Variants in SYN3 observed in about 807,000 individuals in gnomAD.
SYN3 encodes the protein synapsin-3.
In SYN3, 35 loss-of-function variants were observed where a neutral mutation model predicts 65.8. That is an observed-to-expected ratio of 0.53 (90% CI 0.41 to 0.70). SYN3 has a LOEUF of 0.70. Among genes scored for constraint, SYN3 ranks in the 30% least tolerant of loss-of-function variants. SYN3 has a pLI of 0.00. For synonymous variants in SYN3, 270 were observed against 292.9 expected (o/e 0.92, Z 0.80); for missense variants, 680 against 749.0 (o/e 0.91, Z 1.08).
At chr22:32,695,620 T>C (rs981279212) in intron 6 of SYN3, among the ~76,000 whole-genome samples, 5 of 152,366 alleles carry the variant, frequency 3.3e-5, no homozygotes, top group Admixed American at 3.3e-4. Context: ...TTAATGTTTA[T>C]GCATCTCTTC....
chr22:32,784,166 T>C (rs2046136855), intron 6 of SYN3, among the ~76,000 whole-genome samples: 1 of 152,232 alleles, frequency 6.6e-6, no homozygotes, highest in Non-Finnish European at 1.5e-5. Flanking sequence ...CGTGGCTCCC[T>C]TGATCCCTGA....
intron 3 of SYN3, among the ~76,000 whole-genome samples, chr22:32,963,250 T>C (rs1040070379): frequency 6.8e-6 from 1 of 147,458 alleles, no homozygotes; most frequent in African/African-American, 2.5e-5. Flanking sequence ...TAATTTTTTT[T>C]TTTTTTTTTT....
intron 6 of SYN3, among the ~76,000 whole-genome samples, chr22:32,611,290 T>TG (rs2059440700): frequency 1.8e-5 from 2 of 109,240 alleles, no homozygotes; most frequent in Non-Finnish European, 3.8e-5. Flanking sequence ...TTTTGTTTTT[T>TG]TTTTTTTTTT....
At position 32,730,912 on chromosome 22, in the gene SYN3, T is replaced by C. The variant is rs114064809; in HGVS notation, c.711+134003A>G. Among the ~76,000 whole-genome samples, 1,138 of 152,278 alleles carry C rather than the reference T, an allele frequency of 7.5e-3. 14 individuals carry two copies. Among genetic ancestry groups the C allele is most frequent in the African/African-American group, 0.027 (1,106 of 41,554 alleles). ...CACATCTGCCACCTCACCTGCAACA[T>C]TCTGTCACCCTGTATGTGTCACCAC... On this transcript the variant is annotated intron_variant, in intron 6 of 13. Coordinates refer to ENST00000358763, the MANE Select transcript of SYN3 (RefSeq NM_003490.4).
intron 3 of SYN3, chr22:32,947,577 G>C (rs1569348317): frequency 6.6e-6 from 1 of 152,252 alleles, no homozygotes; most frequent in Non-Finnish European, 1.5e-5. Context: ...CAAAAGCACA[G>C]GTGAGAATAG....
At chr22:32,971,340 T>C (rs1259137934) in intron 3 of SYN3, among the ~76,000 whole-genome samples, 1 of 152,130 alleles carries the variant, frequency 6.6e-6, no homozygotes, top group East Asian at 1.9e-4. Context: ...GAAAAAGGCC[T>C]CCATGGAGAC....
At chr22:33,054,695 G>A (rs2054227493) in intron 1 of SYN3, among the ~76,000 whole-genome samples, 1 of 152,080 alleles carries the variant, frequency 6.6e-6, no homozygotes, top group Admixed American at 6.5e-5. Context: ...TTTAAACCAC[G>A]TTTTCACATA....
At chr22:32,835,895 G>C (rs1024771463) in intron 6 of SYN3, among the ~76,000 whole-genome samples, 5 of 152,194 alleles carry the variant, frequency 3.3e-5, no homozygotes, top group Non-Finnish European at 7.3e-5. Context: ...GAGTTATGGA[G>C]AGTTAACTCC....
chr22:32,858,186 G>A (rs2048429234), intron 6 of SYN3: 2 of 1,607,236 alleles, frequency 1.2e-6, no homozygotes, highest in Non-Finnish European at 8.5e-7. Flanking sequence ...CTGACTTGCA[G>A]CCCTAGAAAC....
At chr22:32,673,836 G>C (rs2060404727) in intron 6 of SYN3, among the ~76,000 whole-genome samples, 2 of 152,318 alleles carry the variant, frequency 1.3e-5, no homozygotes, top group South Asian at 4.1e-4. Context: ...CCAGAGAAAT[G>C]AGCGTGGCTC....
intron 2 of SYN3, among the ~76,000 whole-genome samples, chr22:32,991,776 CCA>C (rs948229943): frequency 1.6e-4 from 25 of 152,154 alleles, no homozygotes; most frequent in African/African-American, 5.8e-4. Context: ...TTCAGGAAAC[CCA>C]CACTCCTGTC....
Position 33,006,595 on chromosome 22 carries a change from G to A in SYN3, c.68C>T (p.Thr23Met), listed in dbSNP as rs112551420. The change falls in exon 2 of 14, where the codon ACG becomes ATG. Residue 23 changes from threonine (T) to methionine (M), a missense_variant. By Grantham distance (81) the Thr-to-Met change is moderately conservative. Coordinates refer to ENST00000358763, the MANE Select transcript of SYN3 (RefSeq NM_003490.4). ...FMANLPNGYM[T>M]DLQRPDSSTS... ...GGAGCTATCTGGGCGTTGCAGGTCC[G>A]TCATATAGCCATTAGGCAGGTTGGC... 1.1e-3 allele frequency: 1,826 copies of A among 1,612,624 alleles called. 23 individuals carry two copies. The African/African-American group carries it at 0.022, about 20-fold the overall frequency.
chr22:32,739,934 T>C (rs1256818251), intron 6 of SYN3, among the ~76,000 whole-genome samples: 1 of 152,174 alleles, frequency 6.6e-6, no homozygotes, highest in East Asian at 1.9e-4. Flanking sequence ...CCTACACATG[T>C]CGGACCACTA....
At chr22:32,546,973 C>T (rs1222388298) in intron 7 of SYN3, among the ~76,000 whole-genome samples, 1 of 151,248 alleles carries the variant, frequency 6.6e-6, no homozygotes, top group Non-Finnish European at 1.5e-5. Flanking sequence ...CTCTCTTACT[C>T]TGTTTTGTTT....
chr22:32,849,004 A>C (rs566177981), intron 6 of SYN3, among the ~76,000 whole-genome samples: 36 of 152,304 alleles, frequency 2.4e-4, no homozygotes, highest in African/African-American at 8.7e-4. Context: ...GAATTAATGC[A>C]TGCAAAGGAA....
chr22:32,700,211 T>C (rs2060792754), intron 6 of SYN3, among the ~76,000 whole-genome samples: 2 of 152,194 alleles, frequency 1.3e-5, no homozygotes, highest in Admixed American at 1.3e-4. Flanking sequence ...ATGGAGACTA[T>C]AAGAGTCTTA....
chr22:32,541,540 C>T (rs761425481), intron 8 of SYN3, 31 bp downstream of exon 8: 1 of 1,612,714 alleles, frequency 6.2e-7, no homozygotes, highest in African/African-American at 1.3e-5. Context: ...CTTCCTCCCA[C>T]ACTCCCCCAG....
At position 32,569,559 on chromosome 22, in the gene SYN3, C is replaced by CTA. The variant is rs1289552626; in HGVS notation, c.774+27114_774+27115insTA. On this transcript the variant is annotated intron_variant, in intron 7 of 13. Coordinates refer to ENST00000358763, the MANE Select transcript of SYN3 (RefSeq NM_003490.4). ...TCAATCTCTCTCTCTCTCTCTCTCTCTCTCTCTCTCTCTATATATATATAT... is the reference window on the plus strand; with the variant it reads ...TCAATCTCTCTCTCTCTCTCTCTCTCTATCTCTCTCTCTCTATATATATATAT... Among the ~76,000 whole-genome samples the CTA allele has an allele frequency of 6.6e-4, 34 of 51,214 alleles. No individual in the cohort carries two copies. In the East Asian group the frequency reaches 0.012, roughly 18 times the overall value. 33.6% of individuals were successfully genotyped at this position (51,214 alleles called of 152,430 possible). A position where few individuals can be genotyped will look rare whatever the true frequency, so the allele number is the denominator to read the frequency against.
intron 6 of SYN3, among the ~76,000 whole-genome samples, chr22:32,606,257 G>A (rs1420950195): frequency 2.6e-5 from 4 of 152,168 alleles, no homozygotes; most frequent in East Asian, 3.9e-4. Flanking sequence ...AGCAGGGAGC[G>A]CGTTACGAAG....
Sources: gnomAD v4.1 joint callset for allele counts (sites outside exome capture counted in the v4.1 genomes callset) on GRCh38, gnomAD v4.1.1 for gene constraint, MANE v1.5 for transcripts, NCBI Gene and HGNC (gene_info 2026-07-23, HGNC 2026-07-21) for gene names.